The following CTNND2 variants were observed in gnomAD, a reference collection of about 807,000 sequenced individuals.
CTNND2 encodes catenin delta-2.
Under a neutral mutation model 144.4 loss-of-function variants are expected in CTNND2, and 22 were observed. The observed-to-expected ratio is 0.15, with a 90% CI of 0.11 to 0.22. The LOEUF is 0.22. Ranked by LOEUF, CTNND2 falls within the 10% of genes least tolerant of loss-of-function variation. The pLI is 1.00. For missense variants in CTNND2, 1,353 were observed against 1,618.8 expected (o/e 0.84, Z 2.82); for synonymous variants, 751 against 695.6 (o/e 1.08, Z -1.25).
At chr5:11,195,696 T>C (rs1736793851) in intron 11 of CTNND2, among the ~76,000 whole-genome samples, 2 of 152,252 alleles carry the variant, frequency 1.3e-5, no homozygotes, top group South Asian at 2.1e-4. Flanking sequence ...TATAGTTTAA[T>C]AAAAACCATT....
chr5:11,513,949 T>C (rs1455828677), intron 3 of CTNND2, among the ~76,000 whole-genome samples: 1 of 152,150 alleles, frequency 6.6e-6, no homozygotes, highest in East Asian at 1.9e-4. Flanking sequence ...TTCTATATAT[T>C]TATAATTTTA....
chr5:11,313,447 G>C (rs804209), intron 9 of CTNND2, among the ~76,000 whole-genome samples: 113,345 of 152,086 alleles, frequency 0.75, 43,391 homozygotes, highest in Middle Eastern at 0.9. Context: ...TCAGAGACCT[G>C]TGGGAACAAC....
At chr5:11,438,919 T>C (rs1372402546) in intron 3 of CTNND2, among the ~76,000 whole-genome samples, 1 of 152,114 alleles carries the variant, frequency 6.6e-6, no homozygotes, top group Non-Finnish European at 1.5e-5. Flanking sequence ...CAAGTCAACA[T>C]AGCGATTAAA....
At chr5:11,118,594 G>T (rs899891850) in intron 12 of CTNND2, among the ~76,000 whole-genome samples, 2 of 152,318 alleles carry the variant, frequency 1.3e-5, no homozygotes, top group South Asian at 4.1e-4. Context: ...TGATGCTGAT[G>T]TTGAGAACTC....
rs1755586806 is a variant in CTNND2 at position 11,353,782 on chromosome 5, G to A, written c.1373-7155C>T. On this transcript the variant is annotated intron_variant, in intron 8 of 21. Transcript: ENST00000304623. ...TGTGCCGTCGCATTCTGGCCTGGGC[G>A]ACAAGAGCAAGACTCCATTTCAAAA... 3.4e-5 allele frequency among the ~76,000 whole-genome samples: 5 copies of A among 148,558 alleles called. No individual in the cohort carries two copies. The South Asian group carries it at 1.1e-3, about 31-fold the overall frequency.
intron 9 of CTNND2, among the ~76,000 whole-genome samples, chr5:11,332,957 C>T (rs1041541061): frequency 4.6e-5 from 7 of 152,198 alleles, no homozygotes; most frequent in East Asian, 3.9e-4. Context: ...CGTTCTGTCA[C>T]GATTGTGAGG....
At chr5:11,395,927 C>T (rs61749788) in intron 6 of CTNND2, among the ~76,000 whole-genome samples, 1 of 152,222 alleles carries the variant, frequency 6.6e-6, no homozygotes, top group Admixed American at 6.5e-5. Context: ...GCCATGTGGC[C>T]TGCCAGGTGC....
chr5:11,007,322 T>C (rs1740584655), intron 18 of CTNND2, among the ~76,000 whole-genome samples: 1 of 152,198 alleles, frequency 6.6e-6, no homozygotes, highest in Non-Finnish European at 1.5e-5. Context: ...TATTTTATGC[T>C]ACATACCTTA....
intron 20 of CTNND2, among the ~76,000 whole-genome samples, chr5:10,985,290 A>G (rs929061525): frequency 1.3e-5 from 2 of 152,176 alleles, no homozygotes; most frequent in African/African-American, 4.8e-5. Context: ...TGAGGTTCCC[A>G]GGCATGCAGG....
At chr5:11,822,812 G>C (rs1491002979) in intron 1 of CTNND2, among the ~76,000 whole-genome samples, 1 of 152,134 alleles carries the variant, frequency 6.6e-6, no homozygotes, top group East Asian at 1.9e-4. Flanking sequence ...GGTGAGAATG[G>C]AAGTGGATCC....
chr5:11,447,484 A>G (rs927102510), intron 3 of CTNND2, among the ~76,000 whole-genome samples: 1 of 152,252 alleles, frequency 6.6e-6, no homozygotes, highest in African/African-American at 2.4e-5. Context: ...ACAATGCTTT[A>G]AAAATTAAAG....
At chr5:11,879,341 G>GTGTGTATATATATA in intron 1 of CTNND2, among the ~76,000 whole-genome samples, 4 of 109,324 alleles carry the variant, frequency 3.7e-5, no homozygotes, top group African/African-American at 6.0e-5. Context: ...TTAAATGTGT[G>GTGTGTATATATATA]TATATATATA....
At chr5:11,560,853 G>T (rs749116496) in intron 3 of CTNND2, among the ~76,000 whole-genome samples, 1 of 152,238 alleles carries the variant, frequency 6.6e-6, no homozygotes, top group African/African-American at 2.4e-5. Flanking sequence ...AGTGGGGAAG[G>T]ATCCTTCACA....
intron 2 of CTNND2, among the ~76,000 whole-genome samples, chr5:11,634,379 C>T (rs1447581672): frequency 1.3e-5 from 2 of 152,194 alleles, no homozygotes; most frequent in East Asian, 1.9e-4. Flanking sequence ...TTTGAGAGAG[C>T]AGAAGCCAGA....
chr5:11,437,933 C>T (rs767656538), intron 3 of CTNND2, among the ~76,000 whole-genome samples: 12 of 152,298 alleles, frequency 7.9e-5, no homozygotes, highest in South Asian at 2.1e-4. Flanking sequence ...TTCTGAAGTA[C>T]GAGGTCTGGC....
At chr5:11,829,210 G>A (rs1793757986) in intron 1 of CTNND2, among the ~76,000 whole-genome samples, 1 of 152,172 alleles carries the variant, frequency 6.6e-6, no homozygotes, top group African/African-American at 2.4e-5. Flanking sequence ...CAATGCAAAA[G>A]AAAAGTAAAA....
intron 3 of CTNND2, among the ~76,000 whole-genome samples, chr5:11,458,981 C>T (rs1221051890): frequency 1.3e-5 from 2 of 151,858 alleles, no homozygotes; most frequent in Admixed American, 6.6e-5. Flanking sequence ...TGTTCCCCAC[C>T]CTGGTCTTGA....
intron 11 of CTNND2, among the ~76,000 whole-genome samples, chr5:11,172,177 G>A (rs1459194757): frequency 1.3e-5 from 2 of 152,128 alleles, no homozygotes; most frequent in Non-Finnish European, 2.9e-5. Flanking sequence ...TCTGGGGTGG[G>A]TCCTGCTACC....
At chr5:11,531,318 C>G in intron 3 of CTNND2, among the ~76,000 whole-genome samples, 1 of 152,058 alleles carries the variant, frequency 6.6e-6, no homozygotes, top group East Asian at 1.9e-4. Context: ...CGGCCCCCCA[C>G]ACAGTGAGCT....
Sources: gnomAD v4.1 joint callset for allele counts (sites outside exome capture counted in the v4.1 genomes callset) on GRCh38, gnomAD v4.1.1 for gene constraint, MANE v1.5 for transcripts, NCBI Gene and HGNC (gene_info 2026-07-23, HGNC 2026-07-21) for gene names.